Variants in OR2AJ1 observed in about 807,000 individuals in gnomAD.
OR2AJ1 encodes olfactory receptor family 2 subfamily AJ member 1.
For missense variants in OR2AJ1, 280 were observed against 163.2 expected (o/e 1.72, Z -3.90); for synonymous variants, 105 against 60.3 (o/e 1.74, Z -3.44).
intron 1 of OR2AJ1, among the ~76,000 whole-genome samples, chr1:247,927,497 G>GTGTGTGTGTGT (rs1553341346): frequency 0.062 from 9,236 of 148,366 alleles, 921 homozygotes; most frequent in African/African-American, 0.21. Context: ...ACATTTAGGG[G>GTGTGTGTGTGT]GTGTGTGTGT....
chr1:247,929,749 C>A (rs1298906536), intron 1 of OR2AJ1, among the ~76,000 whole-genome samples: 1 of 151,914 alleles, frequency 6.6e-6, no homozygotes, highest in Non-Finnish European at 1.5e-5. Flanking sequence ...ATGGATATTT[C>A]AGATATAATT....
intron 1 of OR2AJ1, among the ~76,000 whole-genome samples, chr1:247,925,695 G>A (rs900922476): frequency 6.6e-6 from 1 of 152,108 alleles, no homozygotes; most frequent in Non-Finnish European, 1.5e-5. Flanking sequence ...GGACTGAAAT[G>A]GATTTATACA....
intron 1 of OR2AJ1, among the ~76,000 whole-genome samples, chr1:247,931,809 G>C (rs1660155507): frequency 6.6e-6 from 1 of 152,182 alleles, no homozygotes; most frequent in Admixed American, 6.5e-5. Flanking sequence ...GTAGGGCATG[G>C]AATTATGATA....
At chr1:247,933,542 A>G (rs1442963447) in intron 1 of OR2AJ1, among the ~76,000 whole-genome samples, 2 of 152,222 alleles carry the variant, frequency 1.3e-5, no homozygotes, top group East Asian at 3.8e-4. Flanking sequence ...GGGCCCACTC[A>G]ATATACTGAA....
intron 1 of OR2AJ1, among the ~76,000 whole-genome samples, chr1:247,931,896 G>A (rs1035330049): frequency 2.0e-5 from 3 of 152,172 alleles, no homozygotes; most frequent in African/African-American, 7.2e-5. Context: ...AGTTAACTTC[G>A]GATATAGGTG....
chr1:247,926,497 G>A (rs1300078310), intron 1 of OR2AJ1, among the ~76,000 whole-genome samples: 1 of 152,132 alleles, frequency 6.6e-6, no homozygotes, highest in Non-Finnish European at 1.5e-5. Flanking sequence ...CCTTGACATC[G>A]CCTTTGGATT....
intron 1 of OR2AJ1, among the ~76,000 whole-genome samples, chr1:247,925,745 A>G (rs1245128339): frequency 6.6e-6 from 1 of 152,208 alleles, no homozygotes; most frequent in Admixed American, 6.5e-5. Context: ...AATTGTCATT[A>G]TAATTTTTGT....
rs1482323002 is a variant in OR2AJ1 at position 247,934,326 on chromosome 1, G to A, written c.558G>A (p.Lys186=). Reference sequence around the variant, plus strand: ...TCTGTGAAGTCCCTGCCATGTTGAAGTTGTCCTGTGCAGACACAACACGCT... The same window carrying A: ...TCTGTGAAGTCCCTGCCATGTTGAAATTGTCCTGTGCAGACACAACACGCT... ...HFFCEVPAML[K]LSCADTTRYE... is the part of the protein sequence containing the mutation. Residue 186 remains lysine, a synonymous_variant, in exon 2 of 2, where the codon AAG becomes AAA. Transcript: ENST00000318244. 1 of 738,090 alleles carries A rather than the reference G, an allele frequency of 1.4e-6. No individual in the cohort carries two copies. Among genetic ancestry groups the A allele is most frequent in the Admixed American group, 1.9e-5 (1 of 52,764 alleles). The allele number at this position is 738,090 out of a possible 1,614,324, so 45.7% of individuals were successfully genotyped here.
intron 1 of OR2AJ1, among the ~76,000 whole-genome samples, chr1:247,929,889 G>A (rs1434153359): frequency 2.6e-5 from 4 of 152,080 alleles, no homozygotes; most frequent in Non-Finnish European, 1.5e-5. Context: ...TTAATAAAAT[G>A]TTTGAGTCAA....
At chr1:247,930,245 G>A (rs557915395) in intron 1 of OR2AJ1, among the ~76,000 whole-genome samples, 2 of 152,312 alleles carry the variant, frequency 1.3e-5, no homozygotes, top group African/African-American at 2.4e-5. Context: ...TGAATGTCAA[G>A]TCATTGCAAT....
chr1:247,932,261 A>G (rs1270307447), intron 1 of OR2AJ1, among the ~76,000 whole-genome samples: 2 of 152,162 alleles, frequency 1.3e-5, no homozygotes, highest in African/African-American at 4.8e-5. Flanking sequence ...GCTTGACTCC[A>G]GGAGGCTGAG....
Position 247,934,788 on chromosome 1 carries a change from G to C in OR2AJ1, c.*33G>C. On this transcript the variant is annotated 3_prime_UTR_variant, in exon 2 of 2. Coordinates refer to ENST00000318244, the MANE Select transcript of OR2AJ1 (RefSeq NM_001355235.2). Reference sequence around the variant, plus strand: ...AAGGATACTCATGAGAGGTTTCCTAGAAAGAAATCAAAGCTTCTATCTTAC... The same window carrying C: ...AAGGATACTCATGAGAGGTTTCCTACAAAGAAATCAAAGCTTCTATCTTAC... The C allele has an allele frequency of 1.6e-6, 1 of 635,222 alleles. No individual in the cohort carries two copies. Among genetic ancestry groups the C allele is most frequent in the Non-Finnish European group, 2.8e-6 (1 of 356,456 alleles). 39.3% of individuals were successfully genotyped at this position (635,222 alleles called of 1,614,324 possible). A position where few individuals can be genotyped will look rare whatever the true frequency, so the allele number is the denominator to read the frequency against.
intron 1 of OR2AJ1, among the ~76,000 whole-genome samples, chr1:247,932,267 C>T (rs1021947679): frequency 3.2e-4 from 48 of 152,312 alleles, no homozygotes; most frequent in Admixed American, 6.5e-4. Context: ...CTCCAGGAGG[C>T]TGAGGTTGCA....
intron 1 of OR2AJ1, among the ~76,000 whole-genome samples, chr1:247,926,496 C>T (rs769571640): frequency 8.5e-5 from 13 of 152,168 alleles, no homozygotes; most frequent in South Asian, 2.1e-4. Flanking sequence ...ACCTTGACAT[C>T]GCCTTTGGAT....
At chr1:247,925,686 G>C (rs1216350109) in intron 1 of OR2AJ1, among the ~76,000 whole-genome samples, 2 of 152,138 alleles carry the variant, frequency 1.3e-5, no homozygotes, top group African/African-American at 4.8e-5. Flanking sequence ...CTAGTGTTAG[G>C]ACTGAAATGG....
chr1:247,932,053 G>A (rs1205070244), intron 1 of OR2AJ1, among the ~76,000 whole-genome samples: 2 of 152,190 alleles, frequency 1.3e-5, no homozygotes, highest in Non-Finnish European at 2.9e-5. Flanking sequence ...AAACGGAAAG[G>A]AATGGCTGGG....
Position 247,934,338 on chromosome 1 carries a change from A to C in OR2AJ1, c.570A>C (p.Ala190=), listed in dbSNP as rs1162313499. ...CTGCCATGTTGAAGTTGTCCTGTGC[A>C]GACACAACACGCTATGAACGAGGGG... ...EVPAMLKLSC[A]DTTRYERGVC... The change falls in exon 2 of 2, where the codon GCA becomes GCC. Residue 190 remains alanine (A), a synonymous_variant. Transcript: ENST00000318244. 1 of 736,278 alleles carries C rather than the reference A, an allele frequency of 1.4e-6. No individual in the cohort carries two copies. Among genetic ancestry groups the C allele is most frequent in the Non-Finnish European group, 2.5e-6 (1 of 395,222 alleles). The allele number at this position is 736,278 out of a possible 1,614,324, so 45.6% of individuals were successfully genotyped here.
Position 247,933,964 on chromosome 1 carries a change from C to T in OR2AJ1, c.196C>T (p.Leu66Phe). ...TCCAATGTATTTTCTGCTCAGCCAT[C>T]TCTCCTTAATGGATATCTTGCATGT... ...HTPMYFLLSH[L>F]SLMDILHVSN... is the part of the protein sequence containing the mutation. The change falls in exon 2 of 2, where the codon CTC (leucine) becomes TTC (phenylalanine). Residue 66 changes from leucine to phenylalanine, a missense_variant. Coordinates refer to ENST00000318244, the MANE Select transcript of OR2AJ1 (RefSeq NM_001355235.2). 1 of 717,650 alleles carries T rather than the reference C, an allele frequency of 1.4e-6. No homozygotes were observed. The highest frequency in any genetic ancestry group is 2.6e-6 in the Non-Finnish European group (1 of 385,106). 44.5% of individuals were successfully genotyped at this position (717,650 alleles called of 1,614,324 possible).
rs1660183266 is a variant in OR2AJ1, at chr1:247,933,967, T to A, written c.199T>A (p.Ser67Thr). ...TPMYFLLSHLSLMDILHVSNI... is the reference protein window; with the variant it reads ...TPMYFLLSHLTLMDILHVSNI... ...AATGTATTTTCTGCTCAGCCATCTC[T>A]CCTTAATGGATATCTTGCATGTTTC... The change falls in exon 2 of 2, where the codon TCC becomes ACC. Residue 67 changes from serine to threonine, a missense_variant. Physicochemically the swap from Ser to Thr is moderately conservative, Grantham distance 58. Transcript: ENST00000318244. The A allele has an allele frequency of 2.8e-6, 2 of 717,566 alleles. No individual in the cohort carries two copies. The highest frequency in any genetic ancestry group is 3.5e-5 in the African/African-American group (2 of 57,264). The allele number at this position is 717,566 out of a possible 1,614,324, so 44.4% of individuals were successfully genotyped here. A position where few individuals can be genotyped will look rare whatever the true frequency, so the allele number is the denominator to read the frequency against.
Sources: gnomAD v4.1 joint callset for allele counts (sites outside exome capture counted in the v4.1 genomes callset) on GRCh38, gnomAD v4.1.1 for gene constraint, MANE v1.5 for transcripts, NCBI Gene and HGNC (gene_info 2026-07-23, HGNC 2026-07-21) for gene names.